ENOX2: variants seen among roughly 807,000 people sequenced by gnomAD.
ENOX2 encodes ecto-NOX disulfide-thiol exchanger 2, also known as APK1 antigen.
Under a neutral mutation model 45.0 loss-of-function variants are expected in ENOX2, and 36 were observed. The observed-to-expected ratio is 0.80, with a 90% confidence interval of 0.61 to 1.06. The LOEUF is 1.06. Ranked by LOEUF, ENOX2 falls within the 50% of genes least tolerant of loss-of-function variation. The pLI is 0.00. For synonymous variants in ENOX2, 174 were observed against 152.3 expected (o/e 1.14, Z -1.05); for missense variants, 423 against 462.5 (o/e 0.91, Z 0.78).
chrX:130,766,600 T>C (rs758235047), intron 3 of ENOX2, among the ~76,000 whole-genome samples: 9 of 111,844 alleles, frequency 8.0e-5, no homozygotes, highest in African/African-American at 2.9e-4. Flanking sequence ...TATACTCTTG[T>C]AATTGATCTT....
intron 4 of ENOX2, among the ~76,000 whole-genome samples, chrX:130,700,053 A>G (rs747771695): frequency 1.8e-5 from 2 of 112,200 alleles, no homozygotes; most frequent in East Asian, 5.6e-4. Flanking sequence ...TCTGCATTTT[A>G]CAGATGAAGA....
rs182605636 is a variant in ENOX2 at position 130,774,743 on chromosome X, A to C, written c.-39+8804T>G. On this transcript the variant is annotated intron_variant, in intron 3 of 14. Transcript: ENST00000394363. ...TTCATTGTAAGGTACTACTTCAACA[A>C]TAGAGGATATGAGTTTGATTCCATT... 1.2e-4 allele frequency among the ~76,000 whole-genome samples: 13 copies of C among 112,184 alleles called. No individual in the cohort carries two copies. In the East Asian group the frequency reaches 3.4e-3, roughly 29 times the overall value.
intron 2 of ENOX2, among the ~76,000 whole-genome samples, chrX:130,817,011 T>A (rs1476607234): frequency 9.0e-6 from 1 of 111,629 alleles, no homozygotes; most frequent in African/African-American, 3.3e-5. Context: ...ACAAAATAGA[T>A]AGACTACTAT....
chrX:130,884,973 C>T (rs1307730132), intron 2 of ENOX2, among the ~76,000 whole-genome samples: 2 of 111,805 alleles, frequency 1.8e-5, no homozygotes, highest in Admixed American at 9.5e-5. Flanking sequence ...AGAGAAAATA[C>T]TCCATACTAA....
intron 3 of ENOX2, among the ~76,000 whole-genome samples, chrX:130,719,314 G>C (rs932849435): frequency 1.8e-5 from 2 of 110,991 alleles, no homozygotes; most frequent in Non-Finnish European, 3.8e-5. Context: ...AAACAACAGA[G>C]GGGGAAATAT....
chrX:130,673,478 G>GA (rs762415285), intron 6 of ENOX2, among the ~76,000 whole-genome samples: 515 of 99,474 alleles, frequency 5.2e-3, no homozygotes, highest in African/African-American at 0.015. Context: ...TAGAGATCTT[G>GA]AAAAAAAAAA....
At chrX:130,849,910 T>C (rs984433286) in intron 2 of ENOX2, among the ~76,000 whole-genome samples, 6 of 111,516 alleles carry the variant, frequency 5.4e-5, no homozygotes, top group Non-Finnish European at 1.9e-5. Flanking sequence ...GGGAAGGTCA[T>C]AACAGGCTCA....
chrX:130,848,322 G>GA (rs1455398314), intron 2 of ENOX2, among the ~76,000 whole-genome samples: 39 of 108,394 alleles, frequency 3.6e-4, no homozygotes, highest in Non-Finnish European at 3.7e-4. Context: ...ATCTATGAGG[G>GA]AAAAAAAAAG....
chrX:130,877,448 T>C (rs1363094767), intron 2 of ENOX2, among the ~76,000 whole-genome samples: 5 of 112,228 alleles, frequency 4.5e-5, no homozygotes, highest in Non-Finnish European at 5.6e-5. Context: ...TCCCCAGATA[T>C]GGAATAGGCA....
In ENOX2 at chrX:130,733,775, T is replaced by C. The variant is rs775018233; in HGVS notation, c.-38-30521A>G. ...AAATGGAGTACACATTAGTAGTTGGTGGAAGGCAGGAGGGAGGTGGGCAAT... is the reference window on the plus strand; with the variant it reads ...AAATGGAGTACACATTAGTAGTTGGCGGAAGGCAGGAGGGAGGTGGGCAAT... On this transcript the variant is annotated intron_variant, in intron 3 of 14. Transcript: ENST00000394363. Among the ~76,000 whole-genome samples, 17 of 112,129 alleles carry C rather than the reference T, an allele frequency of 1.5e-4. No homozygotes were observed. In the South Asian group the frequency reaches 6.3e-3, roughly 42 times the overall value.
At chrX:130,656,450 C>T (rs1437340675) in intron 10 of ENOX2, 131 bp downstream of exon 10, 2 of 459,112 alleles carry the variant, frequency 4.4e-6, no homozygotes, top group African/African-American at 4.9e-5. Context: ...CACATATGGC[C>T]TTGCCACTTA....
chrX:130,845,190 T>C (rs1005112128), intron 2 of ENOX2, among the ~76,000 whole-genome samples: 1 of 112,174 alleles, frequency 8.9e-6, no homozygotes, highest in Admixed American at 9.5e-5. Context: ...GCAGCCAATG[T>C]ATTTTTCCAT....
At position 130,634,477 on chromosome X, in the gene ENOX2, C is replaced by T. The variant is rs187849873; in HGVS notation, c.1419+507G>A. 1.9e-3 allele frequency among the ~76,000 whole-genome samples: 214 copies of T among 111,798 alleles called. 1 individual carries two copies. The highest frequency in any genetic ancestry group is 1.8e-3 in the Non-Finnish European group (97 of 53,155). On this transcript the variant is annotated intron_variant, in intron 12 of 14. Coordinates refer to ENST00000394363, the MANE Select transcript of ENOX2 (RefSeq NM_006375.4). ...GGCTTCTAGCTTTAGAATACTGTGT[C>T]TCATTTTTTTTCCCCAAGGTTTCTC...
At chrX:130,633,555 A>G (rs1348454015) in intron 12 of ENOX2, among the ~76,000 whole-genome samples, 1 of 112,771 alleles carries the variant, frequency 8.9e-6, no homozygotes, top group African/African-American at 3.2e-5. Flanking sequence ...TCAGTTTCCA[A>G]ATGGGAAACA....
intron 2 of ENOX2, among the ~76,000 whole-genome samples, chrX:130,796,974 C>T (rs2077140071): frequency 8.9e-6 from 1 of 111,951 alleles, no homozygotes; most frequent in African/African-American, 3.2e-5. Flanking sequence ...TGCTCTGTGA[C>T]AAACAATTGA....
chrX:130,824,510 T>C (rs1021749323), intron 2 of ENOX2, among the ~76,000 whole-genome samples: 3 of 111,929 alleles, frequency 2.7e-5, no homozygotes, highest in African/African-American at 9.7e-5. Flanking sequence ...GTGAGAATGA[T>C]ACTCTCTTTT....
chrX:130,673,763 G>A (rs2037054739), intron 6 of ENOX2, among the ~76,000 whole-genome samples: 1 of 112,192 alleles, frequency 8.9e-6, no homozygotes, highest in Non-Finnish European at 1.9e-5. Flanking sequence ...ACATATTTGA[G>A]GGAATAATCC....
At chrX:130,858,094 A>C (rs2078342960) in intron 2 of ENOX2, among the ~76,000 whole-genome samples, 1 of 106,931 alleles carries the variant, frequency 9.4e-6, no homozygotes, top group African/African-American at 3.4e-5. Flanking sequence ...TGACAGGTAT[A>C]CCTAATCATG....
At position 130,755,714 on chromosome X, in the gene ENOX2, T is replaced by C. The variant is rs766602722; in HGVS notation, c.-39+27833A>G. Among the ~76,000 whole-genome samples, 8 of 111,364 alleles carry C rather than the reference T, an allele frequency of 7.2e-5. No homozygotes were observed. The South Asian group carries it at 3.1e-3, about 43-fold the overall frequency. ...TGGGGTATCCATCCCCTCAGGCACT[T>C]ATCCTCTGTGTTACAAGCAACCAAA... is the stretch of plus-strand genomic sequence containing the variant. On this transcript the variant is annotated intron_variant, in intron 3 of 14. Transcript: ENST00000394363.
Sources: gnomAD v4.1 joint callset for allele counts (sites outside exome capture counted in the v4.1 genomes callset) on GRCh38, gnomAD v4.1.1 for gene constraint, MANE v1.5 for transcripts, NCBI Gene and HGNC (gene_info 2026-07-23, HGNC 2026-07-21) for gene names.